The following ZNF207 variants were observed in gnomAD, a reference collection of about 807,000 sequenced individuals.
ZNF207 encodes the protein zinc finger protein 207, also known as BUB3-interacting and GLEBS motif-containing protein ZNF207.
In ZNF207, 24 loss-of-function variants were observed where a neutral mutation model predicts 60.2. That is an observed-to-expected ratio of 0.40 (90% CI 0.29 to 0.56). The LOEUF is 0.56. Among genes scored for constraint, ZNF207 ranks in the 20% least tolerant of loss-of-function variants. The pLI is 0.49. For missense variants in ZNF207, 452 were observed against 636.6 expected, an observed-to-expected ratio of 0.71 and a Z score of 3.12; for synonymous variants, 236 against 194.7, an observed-to-expected ratio of 1.21 and a Z score of -1.77.
At chr17:32,351,702 C>G in intron 1 of ZNF207, 84 bp from the exon 2 acceptor site, 1 of 1,610,946 alleles carries the variant, frequency 6.2e-7, no homozygotes, top group African/African-American at 1.3e-5. Context: ...TTTAGCTGTT[C>G]CCATATTGTA....
chr17:32,370,759 A>G lies in ZNF207; in HGVS notation c.*1000A>G, dbSNP rs1597796263. On this transcript the variant is annotated 3_prime_UTR_variant, in exon 12 of 12. Coordinates refer to ENST00000394670, the MANE Select transcript of ZNF207 (RefSeq NM_001098507.2). ...GATTATTTTTGAGACTCAGTACTGCATGGACCTCAGAAGCTTTTCAGGTGC... is the reference window on the plus strand; with the variant it reads ...GATTATTTTTGAGACTCAGTACTGCGTGGACCTCAGAAGCTTTTCAGGTGC... 4 of 152,332 alleles carry G rather than the reference A, an allele frequency of 2.6e-5. 1 individual carries two copies. The highest frequency in any genetic ancestry group is 2.6e-4 in the Admixed American group (4 of 15,302). The allele number at this position is 152,332 out of a possible 1,614,324, so 9.4% of individuals were successfully genotyped here. A position where few individuals can be genotyped will look rare whatever the true frequency, so the allele number is the denominator to read the frequency against.
In ZNF207 at chr17:32,378,214, A is replaced by AGT. The variant is rs1421187206; in HGVS notation, c.*8456_*8457insTG. On this transcript the variant is annotated 3_prime_UTR_variant, in exon 12 of 12. Coordinates refer to ENST00000394670, the MANE Select transcript of ZNF207 (RefSeq NM_001098507.2). ...TATCTCCTTGTGGTTCAACCTAAGT[A>AGT]GATACATTGTACATAAAAGGAAAAG... is the stretch of plus-strand genomic sequence containing the variant. The AGT allele has an allele frequency of 6.6e-6, 1 of 152,066 alleles. No homozygotes were observed. Among genetic ancestry groups the AGT allele is most frequent in the African/African-American group, 2.4e-5 (1 of 41,434 alleles). 9.4% of individuals were successfully genotyped at this position (152,066 alleles called of 1,614,324 possible).
At position 32,367,834 on chromosome 17, in the gene ZNF207, A is replaced by G. The variant is rs1006682827; in HGVS notation, c.984A>G (p.Ala328=). 10 of 1,614,046 alleles carry G rather than the reference A, an allele frequency of 6.2e-6. No homozygotes were observed. Among genetic ancestry groups the G allele is most frequent in the Non-Finnish European group, 7.6e-6 (9 of 1,180,044 alleles). ...TCAAACCCTTAAATAGTACCCCTGCAACAACTACAGAACCCCCAAAGCCTA... is the reference window on the plus strand; with the variant it reads ...TCAAACCCTTAAATAGTACCCCTGCGACAACTACAGAACCCCCAAAGCCTA... ...TDFKPLNSTP[A]TTTEPPKPTF... The change falls in exon 10 of 12, where the codon GCA becomes GCG. Residue 328 remains alanine, a synonymous_variant. Transcript: ENST00000394670.
rs1567824736 is a variant in ZNF207, at chr17:32,367,251, A to ATG, written c.921+495_921+496insGT. 1.9e-4 allele frequency among the ~76,000 whole-genome samples: 17 copies of ATG among 88,128 alleles called. 1 individual carries two copies. The highest frequency in any genetic ancestry group is 3.6e-4 in the Non-Finnish European group (16 of 44,102). The allele number at this position is 88,128 out of a possible 152,430, so 57.8% of individuals were successfully genotyped here. ...AATTTGGAGGGGATTATATATATATATATATATATATATATATATATATAT... is the reference window on the plus strand; with the variant it reads ...AATTTGGAGGGGATTATATATATATATGTATATATATATATATATATATATAT... On this transcript the variant is annotated intron_variant, in intron 9 of 11. Coordinates refer to ENST00000394670, the MANE Select transcript of ZNF207 (RefSeq NM_001098507.2).
In ZNF207 at chr17:32,373,791, TACTTTC is replaced by T. The variant is rs1020505900; in HGVS notation, c.*4037_*4042del. ...CAAGAAATGTTTCATTCAAGTTTTT[TACTTTC>T]ACTTCTAGGAAAATCTTACTGGTTT... is the stretch of plus-strand genomic sequence containing the variant. On this transcript the variant is annotated 3_prime_UTR_variant, in exon 12 of 12. Transcript: ENST00000394670. The T allele has an allele frequency of 4.4e-4, 82 of 186,614 alleles. No individual in the cohort carries two copies. The highest frequency in any genetic ancestry group is 1.8e-3 in the African/African-American group (79 of 42,998). 11.6% of individuals were successfully genotyped at this position (186,614 alleles called of 1,614,324 possible). A position where few individuals can be genotyped will look rare whatever the true frequency, so the allele number is the denominator to read the frequency against.
chr17:32,358,245 A>G (rs551251669), intron 2 of ZNF207, among the ~76,000 whole-genome samples: 1 of 152,354 alleles, frequency 6.6e-6, no homozygotes, highest in South Asian at 2.1e-4. Flanking sequence ...TATGTTAGAC[A>G]TCTCGCCAAG....
chr17:32,358,618 G>A lies in ZNF207; in HGVS notation c.284G>A (p.Arg95Gln). The change falls in exon 3 of 12, where the codon CGA becomes CAA. Residue 95 changes from arginine to glutamine, a missense_variant. Physicochemically the swap from Arg to Gln is conservative, Grantham distance 43. This residue lies in a region of ZNF207 where 62 missense variants were observed against 175.3 expected (regional missense o/e 0.35). Transcript: ENST00000394670. Reference protein sequence around the residue: ...IPEKDMDERRRLLEQKTQESQ... With the variant: ...IPEKDMDERRQLLEQKTQESQ... The stretch of plus-strand genomic sequence containing the variant: ...GAAAAAGACATGGATGAAAGACGAC[G>A]ACTTCTTGAACAGAAAACACAAGGT... The A allele has an allele frequency of 3.3e-6, 5 of 1,528,402 alleles. No homozygotes were observed. The highest frequency in any genetic ancestry group is 2.3e-5 in the Admixed American group (1 of 44,352). 94.7% of individuals were successfully genotyped at this position (1,528,402 alleles called of 1,614,324 possible).
intron 7 of ZNF207, among the ~76,000 whole-genome samples, chr17:32,364,384 G>A (rs1313260042): frequency 6.8e-6 from 1 of 146,190 alleles, no homozygotes; most frequent in Non-Finnish European, 1.5e-5. Flanking sequence ...TTGAGATGGA[G>A]TTTTGCTCTG....
rs538912131 is a variant in ZNF207 at position 32,351,335 on chromosome 17, A to G, written c.42-451A>G. 294 of 608,422 alleles carry G rather than the reference A, an allele frequency of 4.8e-4. 2 individuals are homozygous for G. Among genetic ancestry groups the G allele is most frequent in the Non-Finnish European group, 5.9e-4 (259 of 438,198 alleles). 37.7% of individuals were successfully genotyped at this position (608,422 alleles called of 1,614,324 possible). A position where few individuals can be genotyped will look rare whatever the true frequency, so the allele number is the denominator to read the frequency against. ...AAATTATGTGATTATTGTTCACCAT[A>G]TAGTTACTCTTAGATTCTAAATATT... On this transcript the variant is annotated intron_variant, in intron 1 of 11. Transcript: ENST00000394670.
At position 32,371,892 on chromosome 17, in the gene ZNF207, C is replaced by T. The variant is rs1342136833; in HGVS notation, c.*2133C>T. The T allele has an allele frequency of 6.6e-6, 1 of 152,166 alleles. No individual in the cohort carries two copies. Among genetic ancestry groups the T allele is most frequent in the Non-Finnish European group, 1.5e-5 (1 of 68,022 alleles). 9.4% of individuals were successfully genotyped at this position (152,166 alleles called of 1,614,324 possible). ...GCAGCCAAGTCCCAAACCACTTTCC[C>T]CTCTGAACCTCTGCTTACCTAAATG... On this transcript the variant is annotated 3_prime_UTR_variant, in exon 12 of 12. Coordinates refer to ENST00000394670, the MANE Select transcript of ZNF207 (RefSeq NM_001098507.2).
Position 32,350,338 on chromosome 17 carries a change from C to G in ZNF207, c.41+12C>G. The G allele has an allele frequency of 6.2e-7, 1 of 1,613,994 alleles. No homozygotes were observed. Among genetic ancestry groups the G allele is most frequent in the Non-Finnish European group, 8.5e-7 (1 of 1,180,002 alleles). ...AAGCCGTGGTGCTGGTATCCTTTGTCGGTTTGAAGTCGAGGTCGCGTTGGG... is the reference window on the plus strand; with the variant it reads ...AAGCCGTGGTGCTGGTATCCTTTGTGGGTTTGAAGTCGAGGTCGCGTTGGG... On this transcript the variant is annotated intron_variant, in intron 1 of 11. Coordinates refer to ENST00000394670, the MANE Select transcript of ZNF207 (RefSeq NM_001098507.2).
At chr17:32,361,925 A>C (rs1046994032) in intron 6 of ZNF207, among the ~76,000 whole-genome samples, 1 of 152,230 alleles carries the variant, frequency 6.6e-6, no homozygotes, top group South Asian at 2.1e-4. Context: ...AATTTAAAAA[A>C]TTTGAAAGAA....
rs549555385 is a variant in ZNF207 at position 32,351,708 on chromosome 17, T to C, written c.42-78T>C. 389 of 1,611,730 alleles carry C rather than the reference T, an allele frequency of 2.4e-4. 4 individuals are homozygous for C. The South Asian group carries it at 3.9e-3, about 16-fold the overall frequency. ...CATTTTGGTTTTAGCTGTTCCCATA[T>C]TGTAATGTTATCCATATGTTTTTAT... On this transcript the variant is annotated intron_variant, in intron 1 of 11. Coordinates refer to ENST00000394670, the MANE Select transcript of ZNF207 (RefSeq NM_001098507.2).
In ZNF207 at chr17:32,373,187, C is replaced by A. The variant is rs772250592; in HGVS notation, c.*3428C>A. 1 of 428,640 alleles carries A rather than the reference C, an allele frequency of 2.3e-6. No homozygotes were observed. Among genetic ancestry groups the A allele is most frequent in the Non-Finnish European group, 4.1e-6 (1 of 242,242 alleles). The allele number at this position is 428,640 out of a possible 1,614,324, so 26.6% of individuals were successfully genotyped here. On this transcript the variant is annotated 3_prime_UTR_variant, in exon 12 of 12. Transcript: ENST00000394670. Reference sequence around the variant, plus strand: ...AAGTTACATTTTGAACTTAGACTCACCTTAATTAAACTTAATTAATTGGGG... The same window carrying A: ...AAGTTACATTTTGAACTTAGACTCAACTTAATTAAACTTAATTAATTGGGG...
intron 3 of ZNF207, 116 bp from the exon 4 acceptor site, chr17:32,360,482 G>A (rs1904807207): frequency 9.9e-7 from 1 of 1,006,622 alleles, no homozygotes; most frequent in Non-Finnish European, 1.4e-6. Flanking sequence ...TTGAATTTTT[G>A]GGGAAGAAAA....
chr17:32,366,631 G>A (rs774707634), intron 8 of ZNF207, 34 bp from the exon 9 acceptor site: 1 of 1,565,812 alleles, frequency 6.4e-7, no homozygotes, highest in African/African-American at 1.4e-5. Context: ...TTTGTTTGGA[G>A]ACTTTTCATT....
chr17:32,356,480 A>G (rs749037958), intron 2 of ZNF207, among the ~76,000 whole-genome samples: 2 of 152,332 alleles, frequency 1.3e-5, no homozygotes, highest in East Asian at 3.9e-4. Context: ...AGATATTAAG[A>G]TAATTTCTGA....
At chr17:32,357,339 A>ATTTTTTT (rs1405292203) in intron 2 of ZNF207, among the ~76,000 whole-genome samples, 7 of 81,922 alleles carry the variant, frequency 8.5e-5, no homozygotes, top group African/African-American at 3.7e-4. Flanking sequence ...TATTATTATT[A>ATTTTTTT]TTATTATTAT....
At position 32,377,515 on chromosome 17, in the gene ZNF207, G is replaced by T. The variant is rs905524612; in HGVS notation, c.*7756G>T. The T allele has an allele frequency of 2.6e-5, 4 of 152,058 alleles. No individual in the cohort carries two copies. The highest frequency in any genetic ancestry group is 1.3e-4 in the Admixed American group (2 of 15,280). The allele number at this position is 152,058 out of a possible 1,614,324, so 9.4% of individuals were successfully genotyped here. Reference sequence around the variant, plus strand: ...CTTCTCAGTACATGTTTTTAAAATTGAGAATCTCTGATGTGACAAAATCAA... The same window carrying T: ...CTTCTCAGTACATGTTTTTAAAATTTAGAATCTCTGATGTGACAAAATCAA... On this transcript the variant is annotated 3_prime_UTR_variant, in exon 12 of 12. Coordinates refer to ENST00000394670, the MANE Select transcript of ZNF207 (RefSeq NM_001098507.2).
Sources: allele counts gnomAD v4.1 joint callset (sites outside exome capture counted in the v4.1 genomes callset), GRCh38; gene constraint gnomAD v4.1.1; regional missense constraint gnomAD v4.1.1; transcripts MANE v1.5; gene names NCBI Gene and HGNC (gene_info 2026-07-23, HGNC 2026-07-21).